Variants in YEATS2 observed in about 807,000 individuals in gnomAD.
YEATS2 encodes YEATS domain-containing protein 2.
In YEATS2, 77 loss-of-function variants were observed where a neutral mutation model predicts 163.2. That is an observed-to-expected ratio of 0.47 (90% CI 0.39 to 0.57). The LOEUF (loss-of-function observed/expected upper bound fraction) is 0.57. YEATS2 is among the 20% of genes least tolerant of loss of function. The probability of loss-of-function intolerance (pLI) is 0.00; values close to 1 mark genes in which losing one functional copy is unlikely to be tolerated. For synonymous variants in YEATS2, 631 were observed against 645.1 expected, an observed-to-expected ratio of 0.98 and a Z score of 0.33; for missense variants, 1,549 against 1,729.8, an observed-to-expected ratio of 0.90 and a Z score of 1.85.
intron 1 of YEATS2, among the ~76,000 whole-genome samples, chr3:183,700,953 A>G (rs1577018262): frequency 6.6e-6 from 1 of 151,990 alleles, no homozygotes; most frequent in East Asian, 1.9e-4. Flanking sequence ...GAGTGATGAA[A>G]ACATTATGGA....
chr3:183,806,204 T>TGG, intron 27 of YEATS2: 1 of 422,674 alleles, frequency 2.4e-6, no homozygotes, highest in Non-Finnish European at 4.6e-6. Flanking sequence ...CAACTTACGA[T>TGG]GGGTTTTTCA....
chr3:183,801,388 A>G (rs1725649141), intron 24 of YEATS2, 67 bp from the exon 25 acceptor site: 2 of 1,120,122 alleles, frequency 1.8e-6, no homozygotes, highest in Non-Finnish European at 1.3e-6. Context: ...TACATGGCAT[A>G]TATATGGCTA....
chr3:183,791,154 C>A (rs558287730), intron 21 of YEATS2, among the ~76,000 whole-genome samples, 174 bp downstream of exon 21: 10 of 152,316 alleles, frequency 6.6e-5, no homozygotes, highest in Non-Finnish European at 1.2e-4. Context: ...CCACCTCAGC[C>A]TCTTGATTAT....
At chr3:183,733,896 G>T (rs1025270984) in intron 7 of YEATS2, among the ~76,000 whole-genome samples, 2 of 152,066 alleles carry the variant, frequency 1.3e-5, no homozygotes, top group Admixed American at 6.6e-5. Context: ...GCTAGGCTCA[G>T]GGCGTGATAA....
At chr3:183,762,356 G>C in intron 15 of YEATS2, 77 bp downstream of exon 15, 3 of 1,478,602 alleles carry the variant, frequency 2.0e-6, no homozygotes, top group Admixed American at 2.2e-5. Flanking sequence ...GTGCTGAAAA[G>C]ATTCACGGTG....
chr3:183,705,768 A>G (rs1022092287), intron 1 of YEATS2, among the ~76,000 whole-genome samples: 1 of 152,204 alleles, frequency 6.6e-6, no homozygotes, highest in African/African-American at 2.4e-5. Flanking sequence ...GGCTGGGCGC[A>G]GTGGCTCACG....
intron 4 of YEATS2, among the ~76,000 whole-genome samples, chr3:183,721,089 T>C (rs1185791845): frequency 6.6e-6 from 1 of 152,254 alleles, no homozygotes; most frequent in African/African-American, 2.4e-5. Flanking sequence ...ATGCTGATTT[T>C]ATCCTCTTAT....
At chr3:183,800,788 A>G (rs1192833458) in intron 24 of YEATS2, among the ~76,000 whole-genome samples, 2 of 152,222 alleles carry the variant, frequency 1.3e-5, no homozygotes, top group African/African-American at 4.8e-5. Flanking sequence ...TTGTAGCCTT[A>G]GAAGCCTCAG....
intron 9 of YEATS2, 137 bp from the exon 10 acceptor site, chr3:183,751,936 C>A: frequency 1.1e-6 from 1 of 898,340 alleles, no homozygotes; most frequent in Non-Finnish European, 1.7e-6. Flanking sequence ...TCCTTTAGTT[C>A]TTCAGATTGA....
intron 6 of YEATS2, among the ~76,000 whole-genome samples, chr3:183,726,641 G>A (rs1717126953): frequency 6.6e-6 from 1 of 152,192 alleles, no homozygotes; most frequent in South Asian, 2.1e-4. Context: ...ATTTTCTCAT[G>A]AAGTTTTATT....
At position 183,812,089 on chromosome 3, in the gene YEATS2, G is replaced by A. The variant is rs1332850293; in HGVS notation, c.*1506G>A. ...TCTCTACTAAAAATACAGAAAATTAGCTGGGCATGGTGGTGTGTGCCTGTA... is the reference window on the plus strand; with the variant it reads ...TCTCTACTAAAAATACAGAAAATTAACTGGGCATGGTGGTGTGTGCCTGTA... On this transcript the variant is annotated 3_prime_UTR_variant, in exon 31 of 31. Transcript: ENST00000305135. 6.6e-6 allele frequency: 1 copy of A among 152,184 alleles called. No homozygotes were observed. Among genetic ancestry groups the A allele is most frequent in the East Asian group, 1.9e-4 (1 of 5,192 alleles). 9.4% of individuals were successfully genotyped at this position (152,184 alleles called of 1,614,324 possible). A position where few individuals can be genotyped will look rare whatever the true frequency, so the allele number is the denominator to read the frequency against.
intron 7 of YEATS2, among the ~76,000 whole-genome samples, chr3:183,729,692 A>G (rs567946323): frequency 5.9e-4 from 88 of 149,614 alleles, no homozygotes; most frequent in African/African-American, 2.0e-3. Flanking sequence ...TTTTTTTGAG[A>G]CGGAGTTTCA....
chr3:183,732,315 C>A (rs930454829), intron 7 of YEATS2, among the ~76,000 whole-genome samples: 1 of 151,402 alleles, frequency 6.6e-6, no homozygotes, highest in Non-Finnish European at 1.5e-5. Flanking sequence ...TAGCCATGCC[C>A]GGTGGCGTGT....
At position 183,754,374 on chromosome 3, in the gene YEATS2, A is replaced by G. The variant is rs756656078; in HGVS notation, c.1390+9A>G. 3 of 1,610,100 alleles carry G rather than the reference A, an allele frequency of 1.9e-6. No individual in the cohort carries two copies. Among genetic ancestry groups the G allele is most frequent in the Non-Finnish European group, 2.5e-6 (3 of 1,176,910 alleles). ...CTGCAAGATTGTGTCAGGTATGCAG[A>G]TGTTTTGAAGACAGTGTATGTGGAG... On this transcript the variant is annotated intron_variant, in intron 11 of 30. Transcript: ENST00000305135.
At chr3:183,707,257 A>G (rs1013547214) in intron 1 of YEATS2, among the ~76,000 whole-genome samples, 1 of 152,220 alleles carries the variant, frequency 6.6e-6, no homozygotes, top group Non-Finnish European at 1.5e-5. Flanking sequence ...ACCTCCAACT[A>G]TGATTCTCAT....
At chr3:183,747,564 C>G (rs1365091907) in intron 8 of YEATS2, 108 bp from the exon 9 acceptor site, 1 of 753,290 alleles carries the variant, frequency 1.3e-6, no homozygotes, top group South Asian at 2.6e-5. Flanking sequence ...AAAAGTAGAT[C>G]CTATGGTATG....
At chr3:183,803,182 T>C (rs1044124824) in intron 25 of YEATS2, 74 bp from the exon 26 acceptor site, 1 of 1,513,364 alleles carries the variant, frequency 6.6e-7, no homozygotes, top group Non-Finnish European at 9.0e-7. Flanking sequence ...AGTGACTGGC[T>C]TGCCTCCAGC....
chr3:183,764,224 A>C (rs1283315031), intron 15 of YEATS2, among the ~76,000 whole-genome samples: 1 of 151,880 alleles, frequency 6.6e-6, no homozygotes, highest in African/African-American at 2.4e-5. Context: ...TACAAGAATT[A>C]GGTGGACATG....
chr3:183,717,937 A>G (rs1445086986), intron 3 of YEATS2, among the ~76,000 whole-genome samples, 189 bp downstream of exon 3: 1 of 151,304 alleles, frequency 6.6e-6, no homozygotes, highest in African/African-American at 2.4e-5. Flanking sequence ...GCAATTGCAG[A>G]AAGGATTGAA....
Sources: gnomAD v4.1 joint callset for allele counts (sites outside exome capture counted in the v4.1 genomes callset) on GRCh38, gnomAD v4.1.1 for gene constraint, MANE v1.5 for transcripts, NCBI Gene and HGNC (gene_info 2026-07-23, HGNC 2026-07-21) for gene names.